Variants in EPS8L1 observed in about 807,000 individuals in gnomAD.
EPS8L1 encodes EPS8 signaling adaptor L1.
EPS8L1 carries 101 observed loss-of-function variants against 91.7 expected under a neutral mutation model. The observed-to-expected ratio is 1.10, with a 90% CI of 0.94 to 1.30. The LOEUF is 1.30. Among genes scored for constraint, EPS8L1 ranks in the 50% most tolerant of loss-of-function variants. The probability of loss-of-function intolerance (pLI) is 0.00; values close to 1 mark genes in which losing one functional copy is unlikely to be tolerated. For synonymous variants in EPS8L1, 506 were observed against 445.3 expected (o/e 1.14, Z -1.72); for missense variants, 1,114 against 1,017.0 (o/e 1.10, Z -1.30).
chr19:55,080,907 T>TG, intron 7 of EPS8L1, 53 bp downstream of exon 7: 1 of 1,489,402 alleles, frequency 6.7e-7, no homozygotes. Context: ...CCCCTCCTTG[T>TG]GCCTCAGTCT....
In EPS8L1 at chr19:55,086,151, G is replaced by A. The variant is rs553471109; in HGVS notation, c.1609G>A (p.Gly537Arg). ...VPYNILTPYP[G>R]PRLHHSQSPA... Reference sequence around the variant, plus strand: ...CTACAACATCCTGACACCCTACCCCGGACCCCGGCTGCACCACAGCCAAAG... The same window carrying A: ...CTACAACATCCTGACACCCTACCCCAGACCCCGGCTGCACCACAGCCAAAG... The change falls in exon 16 of 20, where the codon GGA becomes AGA. Residue 537 changes from glycine (G) to arginine (R), a missense_variant. Transcript: ENST00000201647. 14 of 1,605,878 alleles carry A rather than the reference G, an allele frequency of 8.7e-6. No homozygotes were observed. The African/African-American group carries it at 1.6e-4, about 18-fold the overall frequency.
chr19:55,080,411 G>T lies in EPS8L1; in HGVS notation c.429+133G>T, dbSNP rs192213513. ...GGGATCAGAGCAAGGAAGGGCAGGG[G>T]ACCTGGGAAGGAAGTTCTGGAAGGC... On this transcript the variant is annotated intron_variant, in intron 6 of 19. Coordinates refer to ENST00000201647, the MANE Select transcript of EPS8L1 (RefSeq NM_133180.3). 48 of 1,586,068 alleles carry T rather than the reference G, an allele frequency of 3.0e-5. No individual in the cohort carries two copies. In the African/African-American group the frequency reaches 6.5e-4, roughly 21 times the overall value.
At chr19:55,076,604 A>G in intron 2 of EPS8L1, 143 bp downstream of exon 2, 1 of 1,025,026 alleles carries the variant, frequency 9.8e-7, no homozygotes, top group Non-Finnish European at 1.4e-6. Flanking sequence ...GGAGGAAGCC[A>G]GAGCCTCTCT....
Position 55,079,710 on chromosome 19 carries a change from G to T in EPS8L1, c.138G>T (p.Leu46=), listed in dbSNP as rs776653409. 22 of 1,614,092 alleles carry T rather than the reference G, an allele frequency of 1.4e-5. No individual in the cohort carries two copies. The highest frequency in any genetic ancestry group is 1.7e-5 in the Non-Finnish European group (20 of 1,179,966). Residue 46 remains leucine (L), a synonymous_variant, in exon 5 of 20, where the codon CTG becomes CTT. Coordinates refer to ENST00000201647, the MANE Select transcript of EPS8L1 (RefSeq NM_133180.3). The part of the protein sequence containing the change: ...YPVNHLVTFC[L]GEDDGVHTVE... ...ACCAGCACCTGGTGACGTTCTGCCTGGGTGAGGACGATGGCGTGCATACCG... is the reference window on the plus strand; with the variant it reads ...ACCAGCACCTGGTGACGTTCTGCCTTGGTGAGGACGATGGCGTGCATACCG...
At position 55,084,000 on chromosome 19, in the gene EPS8L1, C is replaced by T; in HGVS notation, c.1385+356C>T. On this transcript the variant is annotated intron_variant, in intron 14 of 19. Transcript: ENST00000201647. The surrounding 1 kb of genome is among the most constrained non-coding windows in gnomAD (Gnocchi z 4.7). ...TCCCAGGGCCTGGGAAGCACCATGC[C>T]TGGGCTCCCTAGGAGGACAGAGCCC... 2 of 536,400 alleles carry T rather than the reference C, an allele frequency of 3.7e-6. No individual in the cohort carries two copies. Among genetic ancestry groups the T allele is most frequent in the Non-Finnish European group, 6.7e-6 (2 of 297,520 alleles). 33.2% of individuals were successfully genotyped at this position (536,400 alleles called of 1,614,324 possible).
At chr19:55,080,565 C>G (rs1218196644) in intron 6 of EPS8L1, 1 of 1,609,794 alleles carries the variant, frequency 6.2e-7, no homozygotes, top group South Asian at 1.1e-5. Context: ...ACCACCCGGA[C>G]TGGGTCTCCA....
rs1392449184 is a variant in EPS8L1, at chr19:55,080,238, C to T, written c.389C>T (p.Ala130Val). The change falls in exon 6 of 20, where the codon GCG becomes GTG. Residue 130 changes from alanine (A) to valine (V), a missense_variant. Coordinates refer to ENST00000201647, the MANE Select transcript of EPS8L1 (RefSeq NM_133180.3). The stretch of plus-strand genomic sequence containing the variant: ...CTCGTGTGCCAGGAACCCGAGCGCG[C>T]GCAGCCCGACGTGCACTTCTTCCAG... ...LLLVCQEPERAQPDVHFFQGL... is the reference protein window; with the variant it reads ...LLLVCQEPERVQPDVHFFQGL... 1.7e-5 allele frequency: 26 copies of T among 1,535,568 alleles called. No individual in the cohort carries two copies. Among genetic ancestry groups the T allele is most frequent in the Non-Finnish European group, 2.0e-5 (23 of 1,136,258 alleles).
Position 55,087,362 on chromosome 19 carries a change from A to G in EPS8L1, c.2012A>G (p.Glu671Gly). ...CAGCTTTTCTCGCTGCAGAAGGAGG[A>G]GCTGCGGGCGGTGAGCCCCGAGGAG... ...GAQLFSLQKE[E>G]LRAVSPEEGA... The change falls in exon 19 of 20, where the codon GAG (glutamate) becomes GGG (glycine). Residue 671 changes from glutamate (E) to glycine (G), a missense_variant. Glu to Gly is a moderately conservative substitution (Grantham distance 98, BLOSUM62 -2). Transcript: ENST00000201647. The G allele has an allele frequency of 6.2e-7, 1 of 1,612,972 alleles. No homozygotes were observed. Among genetic ancestry groups the G allele is most frequent in the Non-Finnish European group, 8.5e-7 (1 of 1,179,684 alleles).
intron 5 of EPS8L1, 82 bp downstream of exon 5, chr19:55,079,933 T>A: frequency 6.7e-7 from 1 of 1,488,342 alleles, no homozygotes; most frequent in Non-Finnish European, 8.9e-7. Flanking sequence ...CTCCTGCACG[T>A]CCTTCCTCTG....
rs1443769450 is a variant in EPS8L1, at chr19:55,080,189, G to C, written c.340G>C (p.Gly114Arg). ...GCGCTGTGACGCGGTGATGCCACCC[G>C]GCAGGAGCCGCTCGTTGCTGCTGCT... ...IVRCDAVMPP[G>R]RSRSLLLLVC... is the part of the protein sequence containing the mutation. The change falls in exon 6 of 20, where the codon GGC becomes CGC. Residue 114 changes from glycine to arginine, a missense_variant. Transcript: ENST00000201647. 3 of 1,535,660 alleles carry C rather than the reference G, an allele frequency of 2.0e-6. No individual in the cohort carries two copies. In the South Asian group the frequency reaches 3.6e-5, roughly 18 times the overall value.
At chr19:55,077,821 T>TCA (rs2076160662) in intron 2 of EPS8L1, among the ~76,000 whole-genome samples, 1 of 150,948 alleles carries the variant, frequency 6.6e-6, no homozygotes, top group Non-Finnish European at 1.5e-5. Context: ...TCTCTTGACT[T>TCA]TGTGATCCGC....
At position 55,081,453 on chromosome 19, in the gene EPS8L1, G is replaced by T; in HGVS notation, c.735G>T (p.Arg245=). The T allele has an allele frequency of 6.2e-7, 1 of 1,603,712 alleles. No individual in the cohort carries two copies. The highest frequency in any genetic ancestry group is 2.2e-5 in the East Asian group (1 of 44,572). Residue 245 remains arginine, a synonymous_variant, in exon 8 of 20, where the codon CGG becomes CGT. Coordinates refer to ENST00000201647, the MANE Select transcript of EPS8L1 (RefSeq NM_133180.3). This position sits in a 1 kb window ranked among gnomAD's most constrained non-coding sequence, Gnocchi z 4.9. ...ADSASPDLGP[R]GPDLAVLQAE... ...CGGCCTCCCCGGACCTGGGTCCCCGGGGTCCTGACCTGGCGGTTCTGCAGG... is the reference window on the plus strand; with the variant it reads ...CGGCCTCCCCGGACCTGGGTCCCCGTGGTCCTGACCTGGCGGTTCTGCAGG...
Position 55,083,569 on chromosome 19 carries a change from G to A in EPS8L1, c.1357-47G>A, listed in dbSNP as rs1183168750. ...CGAGGCTGGGAAGTCCGGGGGCGCG[G>A]CCGGTCCGCCTGGCCCCGCCTGACC... On this transcript the variant is annotated intron_variant, in intron 13 of 19. Transcript: ENST00000201647. This position sits in a 1 kb window ranked among gnomAD's most constrained non-coding sequence, Gnocchi z 4.7. The A allele has an allele frequency of 6.3e-7, 1 of 1,595,030 alleles. No homozygotes were observed. The highest frequency in any genetic ancestry group is 8.5e-7 in the Non-Finnish European group (1 of 1,170,986).
At position 55,087,582 on chromosome 19, in the gene EPS8L1, G is replaced by A; in HGVS notation, c.2140G>A (p.Val714Met). ...AGTGATGGAGAAGCAAAAGAAGAAG[G>A]TGGAAGGCGAGGTGGAAATGGAGGT... ...EAVMEKQKKK[V>M]EGEVEMEVI is the part of the protein sequence containing the mutation. The change falls in exon 20 of 20, where the codon GTG (valine) becomes ATG (methionine). Residue 714 changes from valine to methionine, a missense_variant. By Grantham distance (21) the Val-to-Met change is conservative. Coordinates refer to ENST00000201647, the MANE Select transcript of EPS8L1 (RefSeq NM_133180.3). 1 of 1,614,202 alleles carries A rather than the reference G, an allele frequency of 6.2e-7. No homozygotes were observed. The highest frequency in any genetic ancestry group is 8.5e-7 in the Non-Finnish European group (1 of 1,180,030).
Position 55,081,516 on chromosome 19 carries a change from G to T in EPS8L1, c.774+24G>T, listed in dbSNP as rs1409469579. The T allele has an allele frequency of 6.5e-7, 1 of 1,546,730 alleles. No individual in the cohort carries two copies. Among genetic ancestry groups the T allele is most frequent in the Admixed American group, 2.0e-5 (1 of 51,096 alleles). On this transcript the variant is annotated intron_variant, in intron 8 of 19. Transcript: ENST00000201647. The surrounding 1 kb of genome is among the most constrained non-coding windows in gnomAD (Gnocchi z 4.9). ...TGGTGAGCCGCTAAGGAAGGGGTCTGGGGGCAGGGCCAGGCGACTGGAGGC... is the reference window on the plus strand; with the variant it reads ...TGGTGAGCCGCTAAGGAAGGGGTCTTGGGGCAGGGCCAGGCGACTGGAGGC...
At chr19:55,087,076 G>A (rs1231568815) in intron 18 of EPS8L1, 188 bp downstream of exon 18, 2 of 1,049,876 alleles carry the variant, frequency 1.9e-6, no homozygotes, top group Non-Finnish European at 2.6e-6. Flanking sequence ...TTCAGACTCC[G>A]ACTGGATTCC....
At position 55,080,800 on chromosome 19, in the gene EPS8L1, G is replaced by C. The variant is rs371109133; in HGVS notation, c.458G>C (p.Gly153Ala). 7.9e-5 allele frequency: 128 copies of C among 1,611,980 alleles called. No homozygotes were observed. Among genetic ancestry groups the C allele is most frequent in the Non-Finnish European group, 1.1e-4 (125 of 1,179,250 alleles). Residue 153 changes from glycine to alanine, a missense_variant, in exon 7 of 20, where the codon GGG (glycine) becomes GCG (alanine). Gly to Ala is a moderately conservative substitution (Grantham distance 60). Coordinates refer to ENST00000201647, the MANE Select transcript of EPS8L1 (RefSeq NM_133180.3). ...GAGCTGATCCGAGAGGACATCCAGG[G>C]GGCTCTGCACAATTACCGCTCGGGC... ...GAELIREDIQ[G>A]ALHNYRSGRG...
At chr19:55,085,347 A>G (rs1331843548) in intron 14 of EPS8L1, among the ~76,000 whole-genome samples, 1 of 152,024 alleles carries the variant, frequency 6.6e-6, no homozygotes, top group Non-Finnish European at 1.5e-5. Context: ...GGTATTTTTT[A>G]GTAGAGACAG....
At chr19:55,086,653 C>CCCT in intron 17 of EPS8L1, 61 bp from the exon 18 acceptor site, 3 of 1,445,530 alleles carry the variant, frequency 2.1e-6, no homozygotes, top group Admixed American at 2.0e-5. Context: ...GCCCCGCCCT[C>CCCT]TGGCCCCAGG....
Sources: allele counts gnomAD v4.1 joint callset (sites outside exome capture counted in the v4.1 genomes callset), GRCh38; gene constraint gnomAD v4.1.1; non-coding constraint Gnocchi (gnomAD v3.1); transcripts MANE v1.5; gene names NCBI Gene and HGNC (gene_info 2026-07-23, HGNC 2026-07-21).